Variants in EDARADD observed in about 807,000 individuals in gnomAD.
The protein encoded by EDARADD is EDAR associated via death domain.
EDARADD carries 20 observed loss-of-function variants against 25.6 expected under a neutral mutation model. The observed-to-expected ratio is 0.78, with a 90% CI of 0.55 to 1.14. The LOEUF is 1.14. EDARADD is among the 50% of genes most tolerant of loss of function. EDARADD has a pLI of 0.00. For synonymous variants in EDARADD, 86 were observed against 94.4 expected (o/e 0.91, Z 0.52); for missense variants, 225 against 270.1 (o/e 0.83, Z 1.17).
intron 3 of EDARADD, among the ~76,000 whole-genome samples, chr1:236,361,354 C>G (rs1327539373): frequency 6.6e-6 from 1 of 151,792 alleles, no homozygotes; most frequent in African/African-American, 2.4e-5. Context: ...CTTGCTCTGT[C>G]ACCCAGGCTG....
In EDARADD at chr1:236,458,834, G is replaced by A. The variant is rs146042123; in HGVS notation, c.220-9397G>A. Among the ~76,000 whole-genome samples the A allele has an allele frequency of 8.6e-5, 13 of 151,758 alleles. No individual in the cohort carries two copies. In the East Asian group the frequency reaches 1.9e-3, roughly 23 times the overall value. ...ACTTTTTGTATTTTTAGTAGAGATG[G>A]GTTTCACCGTGTTGGTTAGGCTGGT... On this transcript the variant is annotated intron_variant, in intron 4 of 5. Coordinates refer to ENST00000334232, the MANE Select transcript of EDARADD (RefSeq NM_145861.4).
chr1:236,378,947 A>T (rs1292113280), intron 3 of EDARADD, among the ~76,000 whole-genome samples: 1 of 152,184 alleles, frequency 6.6e-6, no homozygotes, highest in African/African-American at 2.4e-5. Context: ...TGATTAGATC[A>T]CTAGATGTGG....
rs751932339 is a variant in EDARADD, at chr1:236,483,722, G to C, written c.*1073G>C. ...TCAGGGAAGCCATGCCCATTGGAGC[G>C]GAGGTTTACCACAGCCTGAAGAATG... On this transcript the variant is annotated 3_prime_UTR_variant, in exon 6 of 6. Transcript: ENST00000334232. The C allele has an allele frequency of 6.5e-7, 1 of 1,537,826 alleles. No individual in the cohort carries two copies. Among genetic ancestry groups the C allele is most frequent in the East Asian group, 2.3e-5 (1 of 44,412 alleles).
chr1:236,348,505 G>A (rs1224326955), intron 1 of EDARADD, among the ~76,000 whole-genome samples: 1 of 152,166 alleles, frequency 6.6e-6, no homozygotes, highest in Admixed American at 6.5e-5. Flanking sequence ...CCACATCCCC[G>A]GTTACAGCCT....
chr1:236,395,372 T>C lies in EDARADD; in HGVS notation c.61+867T>C. 1 of 1,358,808 alleles carries C rather than the reference T, an allele frequency of 7.4e-7. No homozygotes were observed. The highest frequency in any genetic ancestry group is 9.5e-7 in the Non-Finnish European group (1 of 1,054,072). The allele number at this position is 1,358,808 out of a possible 1,614,324, so 84.2% of individuals were successfully genotyped here. The stretch of plus-strand genomic sequence containing the variant: ...GGCACCCCGGCTCCCGCCCCGCGCC[T>C]CTGGAGGGAGGTACCGAGGGACGCG... On this transcript the variant is annotated intron_variant, in intron 1 of 5. Coordinates refer to ENST00000334232, the MANE Select transcript of EDARADD (RefSeq NM_145861.4). The surrounding 1 kb of genome is among the most constrained non-coding windows in gnomAD (Gnocchi z 6.9).
rs1667563005 is a variant in EDARADD at position 236,398,655 on chromosome 1, C to T, written c.61+4150C>T. On this transcript the variant is annotated intron_variant, in intron 1 of 5. Coordinates refer to ENST00000334232, the MANE Select transcript of EDARADD (RefSeq NM_145861.4). The surrounding 1 kb of genome is among the most constrained non-coding windows in gnomAD (Gnocchi z 4.1). ...CCTCCTGGCCTTTGCAAACTTTGTT[C>T]CTGCGGCCTGGAAGGACCCCTGCAT... 6.6e-6 allele frequency among the ~76,000 whole-genome samples: 1 copy of T among 152,198 alleles called. No individual in the cohort carries two copies. Among genetic ancestry groups the T allele is most frequent in the Non-Finnish European group, 1.5e-5 (1 of 68,038 alleles).
upstream of EDARADD, chr1:236,394,136 T>C: frequency 2.8e-6 from 1 of 361,352 alleles, no homozygotes; most frequent in Admixed American, 4.2e-5. Context: ...GTTGGGCTGC[T>C]AACAAGCTCA....
chr1:236,404,644 C>T (rs950157266), intron 1 of EDARADD, among the ~76,000 whole-genome samples: 16 of 152,124 alleles, frequency 1.1e-4, no homozygotes, highest in African/African-American at 3.4e-4. Context: ...GAAACAAAAT[C>T]CCCCATACAT....
chr1:236,360,548 T>C (rs870800), intron 3 of EDARADD, among the ~76,000 whole-genome samples: 1 of 141,486 alleles, frequency 7.1e-6, no homozygotes, highest in South Asian at 2.3e-4. Flanking sequence ...TTTTTTTTTT[T>C]TTTTTTTTTT....
At chr1:236,481,303 C>T (rs1439325226) in intron 5 of EDARADD, among the ~76,000 whole-genome samples, 1 of 152,130 alleles carries the variant, frequency 6.6e-6, no homozygotes, top group Non-Finnish European at 1.5e-5. Context: ...TACTCACAGA[C>T]ACAGCAGCCC....
chr1:236,359,088 T>G (rs1667015741), intron 3 of EDARADD, among the ~76,000 whole-genome samples: 1 of 152,208 alleles, frequency 6.6e-6, no homozygotes, highest in African/African-American at 2.4e-5. Context: ...TAAGCACAGT[T>G]GTAAAAGAGG....
chr1:236,399,526 A>G (rs1042977420), intron 1 of EDARADD, among the ~76,000 whole-genome samples: 15 of 152,178 alleles, frequency 9.9e-5, no homozygotes, highest in African/African-American at 3.6e-4. Flanking sequence ...GACTTTTTAC[A>G]TTGAGAAAAT....
In EDARADD at chr1:236,482,841, T is replaced by C. The variant is rs572424730; in HGVS notation, c.*192T>C. ...GTGGATCTCTGTTTATTTTTGCACA[T>C]CTGTTATAATTTAATATTCAAATCT... On this transcript the variant is annotated 3_prime_UTR_variant, in exon 6 of 6. Coordinates refer to ENST00000334232, the MANE Select transcript of EDARADD (RefSeq NM_145861.4). 1 of 714,764 alleles carries C rather than the reference T, an allele frequency of 1.4e-6. No individual in the cohort carries two copies. The highest frequency in any genetic ancestry group is 1.8e-5 in the African/African-American group (1 of 56,002). The allele number at this position is 714,764 out of a possible 1,614,324, so 44.3% of individuals were successfully genotyped here.
chr1:236,382,069 T>C (rs910411168), intron 3 of EDARADD, among the ~76,000 whole-genome samples: 1 of 152,058 alleles, frequency 6.6e-6, no homozygotes, highest in African/African-American at 2.4e-5. Context: ...GAGTTTAAGG[T>C]TTTCCTCAAA....
chr1:236,353,587 A>G (rs1454822989), intron 3 of EDARADD, among the ~76,000 whole-genome samples: 1 of 150,704 alleles, frequency 6.6e-6, no homozygotes, highest in African/African-American at 2.4e-5. Flanking sequence ...GCTGAGGCAG[A>G]TAATTACTTG....
chr1:236,360,552 T>G (rs1039267546), intron 3 of EDARADD, among the ~76,000 whole-genome samples: 3 of 147,304 alleles, frequency 2.0e-5, no homozygotes, highest in Non-Finnish European at 4.5e-5. Flanking sequence ...TTTTTTTTTT[T>G]TTTTTTTTTT....
At chr1:236,353,172 G>A (rs890407322) in intron 3 of EDARADD, among the ~76,000 whole-genome samples, 2 of 152,180 alleles carry the variant, frequency 1.3e-5, no homozygotes, top group Non-Finnish European at 2.9e-5. Context: ...GGCCAGGGTT[G>A]TTACCTCTCA....
At chr1:236,350,407 G>A (rs1166024645) in intron 2 of EDARADD, among the ~76,000 whole-genome samples, 1 of 152,178 alleles carries the variant, frequency 6.6e-6, no homozygotes, top group African/African-American at 2.4e-5. Flanking sequence ...GTCCTCAGGT[G>A]TGTGCCACCA....
At chr1:236,363,032 T>TATATATATATATATATATATATAA (rs1377522241) in intron 3 of EDARADD, among the ~76,000 whole-genome samples, 1 of 109,988 alleles carries the variant, frequency 9.1e-6, no homozygotes, top group Non-Finnish European at 1.8e-5. Context: ...TATATATATA[T>TATATATATATATATATATATATAA]AAAATTTGTG....
Sources: allele counts gnomAD v4.1 joint callset (sites outside exome capture counted in the v4.1 genomes callset), GRCh38; gene constraint gnomAD v4.1.1; non-coding constraint Gnocchi (gnomAD v3.1); transcripts MANE v1.5; gene names NCBI Gene and HGNC (gene_info 2026-07-23, HGNC 2026-07-21).